ABLIM2: variants seen among roughly 807,000 people sequenced by gnomAD.
ABLIM2 encodes the protein actin binding LIM protein family member 2, also known as actin-binding LIM protein 2.
ABLIM2 carries 53 observed loss-of-function variants against 97.7 expected under a neutral mutation model. That is an observed-to-expected ratio of 0.54 (90% CI 0.44 to 0.68). The LOEUF (loss-of-function observed/expected upper bound fraction) is 0.68. ABLIM2 is among the 30% of genes least tolerant of loss of function. The probability of loss-of-function intolerance (pLI) is 0.00; values close to 1 mark genes in which losing one functional copy is unlikely to be tolerated. For missense variants in ABLIM2, 835 were observed against 867.2 expected (o/e 0.96, Z 0.47); for synonymous variants, 361 against 345.8 (o/e 1.04, Z -0.49).
chr4:8,001,424 C>T lies in ABLIM2; in HGVS notation c.1618+6635G>A, dbSNP rs1415668458. On this transcript the variant is annotated intron_variant, in intron 16 of 20. Transcript: ENST00000447017. The surrounding 1 kb of genome is among the most constrained non-coding windows in gnomAD (Gnocchi z 4.2). ...GGCTGAAGGCTAGTCCCCAGGCAAC[C>T]CAACGGCAGCGGCTGCTCCCTGGGG... 2.0e-5 allele frequency among the ~76,000 whole-genome samples: 3 copies of T among 152,146 alleles called. No homozygotes were observed. Among genetic ancestry groups the T allele is most frequent in the African/African-American group, 7.2e-5 (3 of 41,440 alleles).
At chr4:8,008,733 G>A (rs188031162) in intron 15 of ABLIM2, among the ~76,000 whole-genome samples, 2 of 152,338 alleles carry the variant, frequency 1.3e-5, no homozygotes, top group South Asian at 2.1e-4. Flanking sequence ...TATGAAGAAC[G>A]TCTGATGAAC....
rs1827382601 is a variant in ABLIM2 at position 8,091,314 on chromosome 4, TATA to T, written c.339-3033_339-3031del. Among the ~76,000 whole-genome samples the T allele has an allele frequency of 9.7e-5, 3 of 30,838 alleles. No homozygotes were observed. In the South Asian group the frequency reaches 1.7e-3, roughly 17 times the overall value. The allele number at this position is 30,838 out of a possible 152,430, so 20.2% of individuals were successfully genotyped here. ...AATATTATATATTATATTATATATATATAATTATATATATATTATATATATAAT... is the reference window on the plus strand; with the variant it reads ...AATATTATATATTATATTATATATATATTATATATATATTATATATATAAT... On this transcript the variant is annotated intron_variant, in intron 3 of 20. Coordinates refer to ENST00000447017, the MANE Select transcript of ABLIM2 (RefSeq NM_001130083.2).
rs1007535582 is a variant in ABLIM2, at chr4:8,029,720, A to G, written c.1104T>C (p.Thr368=). The change falls in exon 11 of 21, where the codon ACT becomes ACC. Residue 368 remains threonine (T), a synonymous_variant. Coordinates refer to ENST00000447017, the MANE Select transcript of ABLIM2 (RefSeq NM_001130083.2). ...KQCRTSSPSS[T]GSVSLGRYTP... is the part of the protein sequence containing the mutation. ...TGTAGCGCCCGAGGCTAACCGACCC[A>G]GTGGAGCTTGGGCTGGAGGTCCGAC... 6 of 1,555,064 alleles carry G rather than the reference A, an allele frequency of 3.9e-6. No homozygotes were observed. Among genetic ancestry groups the G allele is most frequent in the African/African-American group, 1.4e-5 (1 of 73,268 alleles).
chr4:8,114,517 G>A (rs961428289), intron 1 of ABLIM2, among the ~76,000 whole-genome samples: 19 of 152,196 alleles, frequency 1.2e-4, no homozygotes, highest in South Asian at 8.3e-4. Context: ...CTACTGCCCC[G>A]CCCAAGTGTT....
chr4:7,977,648 G>A (rs1195490162), intron 20 of ABLIM2, among the ~76,000 whole-genome samples: 5 of 151,976 alleles, frequency 3.3e-5, no homozygotes, highest in Admixed American at 6.6e-5. Context: ...AAAATTAGCC[G>A]GGTGTGGTGG....
intron 6 of ABLIM2, among the ~76,000 whole-genome samples, chr4:8,076,904 AACCCAGAGAGGGTGGGCTACAGGGTG>A (rs1816493224): frequency 3.1e-4 from 12 of 39,242 alleles, no homozygotes; most frequent in Non-Finnish European, 5.4e-4. Flanking sequence ...GGGGTCTGTG[AACCCAGAGAGGGTGGGCTACAGGGTG>A]GGGGGGTCTG....
chr4:8,086,823 G>T (rs776690851), intron 4 of ABLIM2, among the ~76,000 whole-genome samples: 1 of 150,914 alleles, frequency 6.6e-6, no homozygotes, highest in Admixed American at 6.6e-5. Context: ...ATAAAACCAC[G>T]TTTACATTAA....
At position 8,033,855 on chromosome 4, in the gene ABLIM2, A is replaced by G. The variant is rs1447317704; in HGVS notation, c.1047+2294T>C. On this transcript the variant is annotated intron_variant, in intron 10 of 20. Coordinates refer to ENST00000447017, the MANE Select transcript of ABLIM2 (RefSeq NM_001130083.2). The surrounding 1 kb of genome is among the most constrained non-coding windows in gnomAD (Gnocchi z 4.5). The stretch of plus-strand genomic sequence containing the variant: ...AGCTGTGTCCTGGTCATACCATGAG[A>G]CCCTGGAGCAGGACAGGGAGAGATA... 6.6e-6 allele frequency among the ~76,000 whole-genome samples: 1 copy of G among 152,174 alleles called. No homozygotes were observed. Among genetic ancestry groups the G allele is most frequent in the Non-Finnish European group, 1.5e-5 (1 of 68,018 alleles).
In ABLIM2 at chr4:8,132,769, T is replaced by C. The variant is rs1282332263; in HGVS notation, c.10+25911A>G. On this transcript the variant is annotated intron_variant, in intron 1 of 20. Transcript: ENST00000447017. The surrounding 1 kb of genome is among the most constrained non-coding windows in gnomAD (Gnocchi z 8.0). ...GCGACTGAACCTCTTAGAGCCTCAG[T>C]TTCCTCATCTGTAAATGGGGATACC... 1.3e-5 allele frequency among the ~76,000 whole-genome samples: 2 copies of C among 152,226 alleles called. No individual in the cohort carries two copies. The highest frequency in any genetic ancestry group is 6.5e-5 in the Admixed American group (1 of 15,286).
At chr4:8,158,231 C>A (rs1391211986) in intron 1 of ABLIM2, among the ~76,000 whole-genome samples, 1 of 152,216 alleles carries the variant, frequency 6.6e-6, no homozygotes, top group South Asian at 2.1e-4. Context: ...CCAACCCAGG[C>A]GCTGCCAGAG....
At chr4:8,118,590 C>G (rs1021431885) in intron 1 of ABLIM2, among the ~76,000 whole-genome samples, 1 of 152,180 alleles carries the variant, frequency 6.6e-6, no homozygotes, top group African/African-American at 2.4e-5. Flanking sequence ...CCATGGCTCC[C>G]CACAGAACAC....
intron 18 of ABLIM2, 119 bp from the exon 19 acceptor site, chr4:7,983,673 A>C: frequency 1.6e-6 from 2 of 1,252,092 alleles, no homozygotes; most frequent in Non-Finnish European, 2.3e-6. Context: ...CACCTGGGCC[A>C]TGCATGGTCC....
intron 1 of ABLIM2, among the ~76,000 whole-genome samples, chr4:8,135,123 T>C (rs1212244613): frequency 1.3e-5 from 2 of 152,260 alleles, no homozygotes; most frequent in East Asian, 1.9e-4. Context: ...TTCAAGTGTG[T>C]CCGTGGCACA....
At position 8,097,265 on chromosome 4, in the gene ABLIM2, C is replaced by A; in HGVS notation, c.172G>T (p.Ala58Ser). 2 of 1,564,010 alleles carry A rather than the reference C, an allele frequency of 1.3e-6. No individual in the cohort carries two copies. The highest frequency in any genetic ancestry group is 1.9e-5 in the Admixed American group (1 of 52,266). ...FVCKACGCDL[A>S]EGGFFVRQGE... ...TGCCGCACGAAGAAGCCGCCCTCGG[C>A]CAGGTCGCAGCCACATGCTGGGGGA... The change falls in exon 3 of 21, where the codon GCC becomes TCC. Residue 58 changes from alanine (A) to serine (S), a missense_variant. Coordinates refer to ENST00000447017, the MANE Select transcript of ABLIM2 (RefSeq NM_001130083.2).
chr4:8,101,588 G>A (rs747317586), intron 2 of ABLIM2, among the ~76,000 whole-genome samples: 8 of 152,182 alleles, frequency 5.3e-5, no homozygotes, highest in Admixed American at 2.0e-4. Flanking sequence ...CCTTACATGC[G>A]CAGCTCACGG....
Position 8,075,915 on chromosome 4 carries a change from T to C in ABLIM2, c.675+1713A>G, listed in dbSNP as rs918670186. ...ACAGATGGTTTGAGATCAACTATGA[T>C]TACATGGAAAGAAAAAACGAAAGAA... On this transcript the variant is annotated intron_variant, in intron 6 of 20. Coordinates refer to ENST00000447017, the MANE Select transcript of ABLIM2 (RefSeq NM_001130083.2). This position sits in a 1 kb window ranked among gnomAD's most constrained non-coding sequence, Gnocchi z 4.4. 1.8e-4 allele frequency among the ~76,000 whole-genome samples: 27 copies of C among 152,158 alleles called. No individual in the cohort carries two copies. The highest frequency in any genetic ancestry group is 6.3e-4 in the African/African-American group (26 of 41,428).
intron 1 of ABLIM2, among the ~76,000 whole-genome samples, chr4:8,146,173 C>G (rs1851773433): frequency 6.6e-6 from 1 of 152,212 alleles, no homozygotes; most frequent in Non-Finnish European, 1.5e-5. Flanking sequence ...ATTTTTAATG[C>G]ACAATATTCC....
intron 2 of ABLIM2, among the ~76,000 whole-genome samples, chr4:8,105,365 A>T (rs915625712): frequency 6.6e-6 from 1 of 152,240 alleles, no homozygotes; most frequent in Non-Finnish European, 1.5e-5. Flanking sequence ...CTCAGCAGAC[A>T]GCGAATGTGT....
chr4:8,061,122 G>T lies in ABLIM2; in HGVS notation c.676-68C>A. On this transcript the variant is annotated intron_variant, in intron 6 of 20. Coordinates refer to ENST00000447017, the MANE Select transcript of ABLIM2 (RefSeq NM_001130083.2). The surrounding 1 kb of genome is among the most constrained non-coding windows in gnomAD (Gnocchi z 4.5). Reference sequence around the variant, plus strand: ...AAAGGTCGGCTGGGTCCCAGCGCCCGGCATGGATACAGCATGCCCTGAGCA... The same window carrying T: ...AAAGGTCGGCTGGGTCCCAGCGCCCTGCATGGATACAGCATGCCCTGAGCA... The T allele has an allele frequency of 1.5e-6, 2 of 1,366,488 alleles. No homozygotes were observed. Among genetic ancestry groups the T allele is most frequent in the African/African-American group, 1.4e-5 (1 of 69,458 alleles). 84.6% of individuals were successfully genotyped at this position (1,366,488 alleles called of 1,614,324 possible). A position where few individuals can be genotyped will look rare whatever the true frequency, so the allele number is the denominator to read the frequency against.
Sources: allele counts gnomAD v4.1 joint callset (sites outside exome capture counted in the v4.1 genomes callset), GRCh38; gene constraint gnomAD v4.1.1; non-coding constraint Gnocchi (gnomAD v3.1); transcripts MANE v1.5; gene names NCBI Gene and HGNC (gene_info 2026-07-23, HGNC 2026-07-21).